The following TXLNG variants were observed in gnomAD, a reference collection of about 807,000 sequenced individuals.
TXLNG encodes gamma-taxilin.
TXLNG carries 5 observed loss-of-function variants against 38.8 expected under a neutral mutation model. The observed-to-expected ratio is 0.13, with a 90% CI of 0.07 to 0.27. The LOEUF (loss-of-function observed/expected upper bound fraction) is 0.27. TXLNG is among the 10% of genes least tolerant of loss of function. The pLI, the probability that TXLNG is intolerant of heterozygous loss-of-function variation, is 1.00. For missense variants in TXLNG, 393 were observed against 398.2 expected (o/e 0.99, Z 0.11); for synonymous variants, 182 against 158.2 (o/e 1.15, Z -1.13).
chrX:16,805,251 G>A (rs765923210), intron 1 of TXLNG, among the ~76,000 whole-genome samples: 2 of 109,026 alleles, frequency 1.8e-5, no homozygotes, highest in Non-Finnish European at 3.8e-5. Flanking sequence ...GCATAGTGTT[G>A]GGATTACAGG....
intron 2 of TXLNG, 140 bp downstream of exon 2, chrX:16,819,017 G>A: frequency 1.8e-6 from 1 of 567,937 alleles, no homozygotes; most frequent in Non-Finnish European, 2.6e-6. Context: ...GTCAGTCCAT[G>A]TGTCTGCTGC....
intron 1 of TXLNG, among the ~76,000 whole-genome samples, chrX:16,787,525 C>T (rs1927539977): frequency 9.0e-6 from 1 of 111,379 alleles, no homozygotes; most frequent in Non-Finnish European, 1.9e-5. Context: ...AAGGAGTTTT[C>T]AGTCCCTCCC....
At chrX:16,823,695 T>C (rs1427451752) in intron 3 of TXLNG, among the ~76,000 whole-genome samples, 1 of 111,110 alleles carries the variant, frequency 9.0e-6, no homozygotes, top group East Asian at 2.8e-4. Context: ...GATTGTCCAT[T>C]GGAGAGACCC....
intron 9 of TXLNG, 65 bp from the exon 10 acceptor site, chrX:16,841,363 G>A (rs1166443668): frequency 2.2e-5 from 23 of 1,045,555 alleles, no homozygotes; most frequent in Non-Finnish European, 2.3e-5. Flanking sequence ...GGCTGAGCTG[G>A]CTTAATTTTT....
intron 3 of TXLNG, among the ~76,000 whole-genome samples, chrX:16,823,313 C>T (rs1929043799): frequency 1.8e-5 from 2 of 108,584 alleles, no homozygotes; most frequent in African/African-American, 6.7e-5. Context: ...ACAAAATTTG[C>T]TGGGCGTGGT....
In TXLNG at chrX:16,841,777, G is replaced by T. The variant is rs775119633; in HGVS notation, c.*11G>T. The T allele has an allele frequency of 2.5e-6, 3 of 1,194,956 alleles. No individual in the cohort carries two copies. In the African/African-American group the frequency reaches 5.3e-5, roughly 21 times the overall value. ...GAGTCGGTTGACTAAGATGAGGTGT[G>T]ATCACTGTATTGAGAGATATATTTT... On this transcript the variant is annotated 3_prime_UTR_variant, in exon 10 of 10. Transcript: ENST00000380122.
At chrX:16,836,592 C>T (rs1929600731) in intron 7 of TXLNG, among the ~76,000 whole-genome samples, 2 of 112,115 alleles carry the variant, frequency 1.8e-5, no homozygotes, top group Admixed American at 1.9e-4. Context: ...TAAGTGCTTC[C>T]GGGATGGCCC....
At chrX:16,807,505 G>A (rs1034875581) in intron 1 of TXLNG, among the ~76,000 whole-genome samples, 3 of 111,107 alleles carry the variant, frequency 2.7e-5, no homozygotes, top group South Asian at 3.7e-4. Flanking sequence ...ACTTAATCTC[G>A]TCAAGTCTCA....
intron 1 of TXLNG, among the ~76,000 whole-genome samples, chrX:16,790,917 A>G (rs776158754): frequency 1.8e-5 from 2 of 111,671 alleles, no homozygotes; most frequent in African/African-American, 6.5e-5. Flanking sequence ...GGGTAAATCT[A>G]TGGATTTTGG....
rs1929955190 is a variant in TXLNG at position 16,843,597 on chromosome X, T to A, written c.*1831T>A. On this transcript the variant is annotated 3_prime_UTR_variant, in exon 10 of 10. Transcript: ENST00000380122. ...TCCACCTTAAAATTAGTACTAATGA[T>A]CACATTATTTCACAAGAACTCTGCT... The A allele has an allele frequency of 8.9e-6, 1 of 111,963 alleles. No homozygotes were observed. Among genetic ancestry groups the A allele is most frequent in the Non-Finnish European group, 1.9e-5 (1 of 53,203 alleles). 9.2% of individuals were successfully genotyped at this position (111,963 alleles called of 1,213,427 possible).
chrX:16,833,342 T>A (rs1177728255), intron 6 of TXLNG, among the ~76,000 whole-genome samples: 1 of 112,258 alleles, frequency 8.9e-6, no homozygotes, highest in African/African-American at 3.2e-5. Flanking sequence ...TGGAATCTCA[T>A]TGGGTATGTA....
chrX:16,791,828 C>T (rs1437106496), intron 1 of TXLNG, among the ~76,000 whole-genome samples: 8 of 112,211 alleles, frequency 7.1e-5, no homozygotes, highest in African/African-American at 9.7e-5. Flanking sequence ...TCAAGTGATC[C>T]ACCTGCCTTG....
chrX:16,813,882 C>T (rs1047276300), intron 1 of TXLNG, among the ~76,000 whole-genome samples: 1 of 110,862 alleles, frequency 9.0e-6, no homozygotes, highest in Non-Finnish European at 1.9e-5. Flanking sequence ...GTCAGGAGAT[C>T]GAGACCATCC....
At chrX:16,826,706 G>A (rs1929180703) in intron 3 of TXLNG, among the ~76,000 whole-genome samples, 1 of 111,404 alleles carries the variant, frequency 9.0e-6, no homozygotes, top group Admixed American at 9.5e-5. Context: ...GCCGAGGTGG[G>A]CGGATCACCT....
intron 1 of TXLNG, among the ~76,000 whole-genome samples, chrX:16,814,013 G>A (rs1040220701): frequency 9.0e-6 from 1 of 111,292 alleles, no homozygotes; most frequent in Non-Finnish European, 1.9e-5. Context: ...GTGAACCCGG[G>A]AGATGGAGAT....
Position 16,818,618 on chromosome X carries a change from G to A in TXLNG, c.147G>A (p.Gly49=). 1 of 1,211,375 alleles carries A rather than the reference G, an allele frequency of 8.3e-7. No individual in the cohort carries two copies. Among genetic ancestry groups the A allele is most frequent in the Non-Finnish European group, 1.1e-6 (1 of 895,265 alleles). The change falls in exon 2 of 10, where the codon GGG becomes GGA. Residue 49 remains glycine, a synonymous_variant. Transcript: ENST00000380122. ...AAGAAGCTGGAATTTGTGGGCTAGG[G>A]GTGAAAGCAGATATGTTGTGTAACT... ...TMEEAGICGL[G]VKADMLCNSQ...
chrX:16,793,316 TAA>T (rs1229020541), intron 1 of TXLNG, among the ~76,000 whole-genome samples: 2 of 111,252 alleles, frequency 1.8e-5, no homozygotes, highest in Non-Finnish European at 3.8e-5. Context: ...AAAAGATACA[TAA>T]AATAACTGGT....
chrX:16,830,830 CGTGTGTGTGTGTGTGTGTGTGTGTGTGT>C (rs1186714021), intron 5 of TXLNG, among the ~76,000 whole-genome samples: 6 of 37,936 alleles, frequency 1.6e-4, no homozygotes, highest in African/African-American at 3.1e-4. Context: ...ACCGTAATTC[CGTGTGTGTGTGTGTGTGTGTGTGTGTGT>C]GTGTGTGTGT....
intron 9 of TXLNG, among the ~76,000 whole-genome samples, chrX:16,840,835 T>C (rs1906753242): frequency 8.9e-6 from 1 of 111,750 alleles, no homozygotes; most frequent in Non-Finnish European, 1.9e-5. Context: ...AGTGAGTCAT[T>C]TTCTGTATGT....
Sources: allele counts gnomAD v4.1 joint callset (sites outside exome capture counted in the v4.1 genomes callset), GRCh38; gene constraint gnomAD v4.1.1; transcripts MANE v1.5; gene names NCBI Gene and HGNC (gene_info 2026-07-23, HGNC 2026-07-21).